CDIN1: variants seen among roughly 807,000 people sequenced by gnomAD.
CDIN1 encodes the protein CDAN1-interacting nuclease 1.
A neutral mutation model predicts 45.3 loss-of-function variants in CDIN1; 33 were observed. That is an observed-to-expected ratio of 0.73 (90% CI 0.55 to 0.97). CDIN1 has a LOEUF of 0.97. Among genes scored for constraint, CDIN1 ranks in the 50% least tolerant of loss-of-function variants. CDIN1 has a pLI of 0.00. For missense variants in CDIN1, 303 were observed against 339.4 expected, an observed-to-expected ratio of 0.89 and a Z score of 0.84; for synonymous variants, 118 against 124.4, an observed-to-expected ratio of 0.95 and a Z score of 0.34.
chr15:36,743,873 A>G (rs1487636255), intron 10 of CDIN1, among the ~76,000 whole-genome samples: 1 of 151,984 alleles, frequency 6.6e-6, no homozygotes, highest in Non-Finnish European at 1.5e-5. Context: ...TGGGCAACAG[A>G]GGGAGAACCT....
chr15:36,619,038 C>G, intron 1 of CDIN1: 1 of 1,352,314 alleles, frequency 7.4e-7, no homozygotes, highest in Non-Finnish European at 1.0e-6. Context: ...TAGTGTCTCC[C>G]ACGACAAACA....
chr15:36,668,733 A>G (rs1172619650), intron 5 of CDIN1, among the ~76,000 whole-genome samples: 2 of 152,138 alleles, frequency 1.3e-5, no homozygotes, highest in Non-Finnish European at 2.9e-5. Context: ...TCATTGGTGC[A>G]TATTTCCACA....
chr15:36,750,635 T>TC (rs2053435627), intron 10 of CDIN1, among the ~76,000 whole-genome samples: 1 of 152,108 alleles, frequency 6.6e-6, no homozygotes, highest in Non-Finnish European at 1.5e-5. Context: ...TTGAGCTCAG[T>TC]CTGTGGGAGG....
intron 5 of CDIN1, among the ~76,000 whole-genome samples, chr15:36,686,345 G>A (rs2042044146): frequency 6.8e-6 from 1 of 146,238 alleles, no homozygotes; most frequent in African/African-American, 2.5e-5. Flanking sequence ...TCACTCATAG[G>A]TGGGAATTGA....
At chr15:36,633,753 CTT>C (rs111912823) in intron 1 of CDIN1, among the ~76,000 whole-genome samples, 12 of 142,948 alleles carry the variant, frequency 8.4e-5, no homozygotes, top group African/African-American at 1.3e-4. Flanking sequence ...ACCCATGATA[CTT>C]TTTTTTTTTT....
chr15:36,754,566 TAAAAAAA>T (rs5811936), intron 10 of CDIN1, among the ~76,000 whole-genome samples: 1 of 102,490 alleles, frequency 9.8e-6, no homozygotes, highest in African/African-American at 3.6e-5. Context: ...TGGTCTCTCT[TAAAAAAA>T]AAAAAAAAAA....
chr15:36,719,890 G>A (rs951633854), intron 10 of CDIN1, among the ~76,000 whole-genome samples: 1 of 151,876 alleles, frequency 6.6e-6, no homozygotes, highest in Non-Finnish European at 1.5e-5. Flanking sequence ...TTTAATCTAA[G>A]TTGCAGAATG....
intron 1 of CDIN1, among the ~76,000 whole-genome samples, chr15:36,588,348 C>T (rs1382449156): frequency 6.6e-6 from 1 of 152,046 alleles, no homozygotes; most frequent in African/African-American, 2.4e-5. Context: ...TTCCTATTGG[C>T]CTTGTTTTTC....
At chr15:36,800,909 G>GTATGTATATA (rs1555410946) in intron 10 of CDIN1, among the ~76,000 whole-genome samples, 4 of 22,374 alleles carry the variant, frequency 1.8e-4, no homozygotes, top group Non-Finnish European at 2.3e-4. Context: ...GTGTGTGTGT[G>GTATGTATATA]TATATATATA....
chr15:36,748,549 GT>G (rs2044529159), intron 10 of CDIN1, among the ~76,000 whole-genome samples: 1 of 151,048 alleles, frequency 6.6e-6, no homozygotes, highest in African/African-American at 2.4e-5. Context: ...CTGTTTCCCT[GT>G]TTTTGGAACC....
chr15:36,742,393 T>C (rs2044269984), intron 10 of CDIN1, among the ~76,000 whole-genome samples: 1 of 152,240 alleles, frequency 6.6e-6, no homozygotes, highest in African/African-American at 2.4e-5. Flanking sequence ...TTTTTTGTTT[T>C]GCTTTTGTTT....
intron 5 of CDIN1, chr15:36,668,139 C>T (rs2041319227): frequency 6.6e-6 from 1 of 152,032 alleles, no homozygotes; most frequent in Admixed American, 6.6e-5. Context: ...ATAATCAGTA[C>T]AGGACTAATT....
chr15:36,793,038 C>A lies in CDIN1; in HGVS notation c.717-15286C>A, dbSNP rs569984013. 7.2e-5 allele frequency among the ~76,000 whole-genome samples: 11 copies of A among 152,136 alleles called. 1 individual carries two copies. The highest frequency in any genetic ancestry group is 5.9e-4 in the Admixed American group (9 of 15,274). On this transcript the variant is annotated intron_variant, in intron 10 of 10. Transcript: ENST00000566621. ...TGGCTCTTCCTTGAAGTATCTCCCC[C>A]CTCTTACCCACTCGGTGAACTTTGA...
intron 1 of CDIN1, among the ~76,000 whole-genome samples, chr15:36,620,089 C>T (rs1311930952): frequency 1.3e-5 from 2 of 152,048 alleles, no homozygotes; most frequent in African/African-American, 4.8e-5. Flanking sequence ...CGGTGGCTCT[C>T]GCCTGTAATC....
intron 10 of CDIN1, among the ~76,000 whole-genome samples, chr15:36,722,971 G>T (rs2043483498): frequency 7.8e-6 from 1 of 128,346 alleles, no homozygotes. Context: ...GTGTGTGTGT[G>T]TGTGTGTGTG....
intron 5 of CDIN1, among the ~76,000 whole-genome samples, chr15:36,686,191 A>C (rs2042035957): frequency 6.6e-6 from 1 of 152,052 alleles, no homozygotes; most frequent in Non-Finnish European, 1.5e-5. Context: ...CTGGATTAAG[A>C]AAATGTGGCA....
At chr15:36,743,268 G>A (rs972871158) in intron 10 of CDIN1, among the ~76,000 whole-genome samples, 1 of 152,270 alleles carries the variant, frequency 6.6e-6, no homozygotes, top group East Asian at 1.9e-4. Flanking sequence ...ATGGGGAATA[G>A]ATTGGAAAGG....
intron 1 of CDIN1, among the ~76,000 whole-genome samples, chr15:36,635,173 C>G (rs2039845608): frequency 6.6e-6 from 1 of 152,134 alleles, no homozygotes; most frequent in South Asian, 2.1e-4. Flanking sequence ...CTCCCCCTGA[C>G]AGTTTCAGAT....
intron 10 of CDIN1, among the ~76,000 whole-genome samples, chr15:36,770,743 C>T (rs2054055480): frequency 2.6e-5 from 4 of 152,258 alleles, no homozygotes; most frequent in South Asian, 2.1e-4. Flanking sequence ...GCCACCACGC[C>T]GAGCCTCTTT....
Sources: allele counts gnomAD v4.1 joint callset (sites outside exome capture counted in the v4.1 genomes callset), GRCh38; gene constraint gnomAD v4.1.1; transcripts MANE v1.5; gene names NCBI Gene and HGNC (gene_info 2026-07-23, HGNC 2026-07-21).